The following TSPAN18 variants were observed in gnomAD, a reference collection of about 807,000 sequenced individuals.
TSPAN18 encodes the protein tetraspanin-18.
In TSPAN18, 14 loss-of-function variants were observed where a neutral mutation model predicts 27.3. That is an observed-to-expected ratio of 0.51 (90% confidence interval 0.34 to 0.80). The LOEUF (loss-of-function observed/expected upper bound fraction) is 0.80. Ranked by LOEUF, TSPAN18 falls within the 30% of genes least tolerant of loss-of-function variation. TSPAN18 has a pLI of 0.01. For missense variants in TSPAN18, 268 were observed against 323.9 expected (o/e 0.83, Z 1.32); for synonymous variants, 143 against 136.5 (o/e 1.05, Z -0.33).
At chr11:44,918,083 A>G (rs1432423186) in intron 6 of TSPAN18, 37 bp downstream of exon 6, 1 of 1,604,872 alleles carries the variant, frequency 6.2e-7, no homozygotes, top group East Asian at 2.2e-5. Context: ...GCCTCCTGCT[A>G]TCAGCAAGGG....
At chr11:44,903,765 C>T (rs911359595) in intron 3 of TSPAN18, 16 of 455,942 alleles carry the variant, frequency 3.5e-5, no homozygotes, top group Non-Finnish European at 6.2e-5. Context: ...GCCCCCCACC[C>T]CATCACACAC....
At chr11:44,895,294 A>G (rs577262464) in intron 3 of TSPAN18, among the ~76,000 whole-genome samples, 30 of 152,162 alleles carry the variant, frequency 2.0e-4, no homozygotes, top group Non-Finnish European at 2.9e-4. Flanking sequence ...CTTATTTCCA[A>G]TATCTGATGC....
intron 8 of TSPAN18, among the ~76,000 whole-genome samples, chr11:44,924,086 C>T (rs1398178192): frequency 1.6e-5 from 2 of 127,522 alleles, no homozygotes; most frequent in Non-Finnish European, 3.2e-5. Flanking sequence ...TTCTCCTGTC[C>T]CCTTCTGGGG....
chr11:44,864,844 G>T (rs1378974894), intron 3 of TSPAN18, among the ~76,000 whole-genome samples: 1 of 152,236 alleles, frequency 6.6e-6, no homozygotes, highest in African/African-American at 2.4e-5. Flanking sequence ...GTACATGGAA[G>T]GTGCTGGGGG....
At chr11:44,901,077 C>G (rs1199966753) in intron 3 of TSPAN18, 2 of 152,226 alleles carry the variant, frequency 1.3e-5, no homozygotes, top group Non-Finnish European at 2.9e-5. Flanking sequence ...ACCAGCTAAG[C>G]TTGGCAGAGC....
rs76747140 is a variant in TSPAN18, at chr11:44,893,987, C to T, written c.-10-12420C>T. Among the ~76,000 whole-genome samples the T allele has an allele frequency of 9.4e-3, 1,432 of 152,244 alleles. 12 individuals carry two copies. The highest frequency in any genetic ancestry group is 0.024 in the Middle Eastern group (7 of 294). Reference sequence around the variant, plus strand: ...AACACTTCTCTCCAAGTAGGGACTGCGGTGATTGAGTCTCACTAGACTTGA... The same window carrying T: ...AACACTTCTCTCCAAGTAGGGACTGTGGTGATTGAGTCTCACTAGACTTGA... On this transcript the variant is annotated intron_variant, in intron 3 of 9. Transcript: ENST00000520358.
chr11:44,888,208 C>T (rs1424165039), intron 3 of TSPAN18, among the ~76,000 whole-genome samples: 1 of 152,166 alleles, frequency 6.6e-6, no homozygotes, highest in Non-Finnish European at 1.5e-5. Flanking sequence ...CCGGCAGGTG[C>T]CCGGGACTTT....
intron 5 of TSPAN18, among the ~76,000 whole-genome samples, chr11:44,915,177 C>G (rs1252172376): frequency 6.6e-6 from 1 of 152,174 alleles, no homozygotes; most frequent in African/African-American, 2.4e-5. Flanking sequence ...TGGGGACCTG[C>G]CAGTGGCTCC....
At chr11:44,912,206 G>C (rs1859746419) in intron 5 of TSPAN18, among the ~76,000 whole-genome samples, 1 of 151,930 alleles carries the variant, frequency 6.6e-6, no homozygotes, top group African/African-American at 2.4e-5. Context: ...ATTTTTTGTA[G>C]AAACAGGGTT....
At chr11:44,754,170 G>A (rs930928178) in intron 1 of TSPAN18, among the ~76,000 whole-genome samples, 1 of 152,190 alleles carries the variant, frequency 6.6e-6, no homozygotes, top group African/African-American at 2.4e-5. Flanking sequence ...TTCTGCATTA[G>A]AATATATTTA....
At chr11:44,902,159 G>A (rs1348885704) in intron 3 of TSPAN18, among the ~76,000 whole-genome samples, 2 of 152,232 alleles carry the variant, frequency 1.3e-5, no homozygotes, top group African/African-American at 4.8e-5. Context: ...TATGAAGGCA[G>A]AGTTAGGTGT....
chr11:44,752,294 C>G (rs886289170), intron 1 of TSPAN18, among the ~76,000 whole-genome samples: 1 of 152,234 alleles, frequency 6.6e-6, no homozygotes, highest in African/African-American at 2.4e-5. Flanking sequence ...AATGACCAAT[C>G]CACATTTTGT....
chr11:44,878,542 T>C (rs1293869903), intron 3 of TSPAN18, among the ~76,000 whole-genome samples: 2 of 152,150 alleles, frequency 1.3e-5, no homozygotes, highest in African/African-American at 4.8e-5. Context: ...AGGATGGTGC[T>C]TTTTAAACTG....
chr11:44,791,361 T>A (rs1856216079), intron 2 of TSPAN18, among the ~76,000 whole-genome samples: 1 of 152,162 alleles, frequency 6.6e-6, no homozygotes, highest in African/African-American at 2.4e-5. Context: ...ATAATAACTT[T>A]ATGCACAAGT....
intron 3 of TSPAN18, among the ~76,000 whole-genome samples, chr11:44,890,843 A>T (rs56102266): frequency 0.09 from 13,693 of 152,110 alleles, 738 homozygotes; most frequent in East Asian, 0.22. Flanking sequence ...ATTTAAAAAA[A>T]GCACTTGTAT....
At chr11:44,893,265 A>G (rs1161657112) in intron 3 of TSPAN18, among the ~76,000 whole-genome samples, 2 of 152,194 alleles carry the variant, frequency 1.3e-5, no homozygotes, top group African/African-American at 2.4e-5. Flanking sequence ...TGACATTCAC[A>G]GCTCCATGAG....
chr11:44,843,721 C>T (rs539421670), intron 2 of TSPAN18, among the ~76,000 whole-genome samples: 62 of 152,218 alleles, frequency 4.1e-4, no homozygotes, highest in African/African-American at 1.4e-3. Flanking sequence ...TTCTCAGGGA[C>T]GTTCCCCATG....
At position 44,799,253 on chromosome 11, in the gene TSPAN18, A is replaced by G. The variant is rs1856421122; in HGVS notation, c.-153+34741A>G. On this transcript the variant is annotated intron_variant, in intron 2 of 9. Transcript: ENST00000520358. ...TGAACCCTCGTCCCCTTGGAAAACC[A>G]GACTAAACTGGTCTCATGGGGAGAG... Among the ~76,000 whole-genome samples the G allele has an allele frequency of 2.0e-5, 3 of 151,878 alleles. No homozygotes were observed. The South Asian group carries it at 6.3e-4, about 32-fold the overall frequency.
chr11:44,791,729 G>A (rs928897315), intron 2 of TSPAN18, among the ~76,000 whole-genome samples: 2 of 152,234 alleles, frequency 1.3e-5, no homozygotes, highest in African/African-American at 4.8e-5. Flanking sequence ...GTGGACAGTG[G>A]CGTTGCCAGA....
Sources: allele counts gnomAD v4.1 joint callset (sites outside exome capture counted in the v4.1 genomes callset), GRCh38; gene constraint gnomAD v4.1.1; transcripts MANE v1.5; gene names NCBI Gene and HGNC (gene_info 2026-07-23, HGNC 2026-07-21).